KCNIP4: variants seen among roughly 807,000 people sequenced by gnomAD.
KCNIP4 encodes potassium voltage-gated channel interacting protein 4.
Under a neutral mutation model 34.0 loss-of-function variants are expected in KCNIP4, and 12 were observed. The ratio of observed to expected loss-of-function variants is 0.35; its 90% CI spans 0.23 to 0.57. The LOEUF (loss-of-function observed/expected upper bound fraction) is 0.57. Among genes scored for constraint, KCNIP4 ranks in the 20% least tolerant of loss-of-function variants. The probability of loss-of-function intolerance (pLI) is 0.83; values close to 1 mark genes in which losing one functional copy is unlikely to be tolerated. For synonymous variants in KCNIP4, 124 were observed against 102.2 expected (o/e 1.21, Z -1.29); for missense variants, 238 against 311.7 (o/e 0.76, Z 1.78).
intron 1 of KCNIP4, among the ~76,000 whole-genome samples, chr4:21,282,730 G>A (rs1411926810): frequency 6.6e-6 from 1 of 152,100 alleles, no homozygotes; most frequent in Non-Finnish European, 1.5e-5. Flanking sequence ...TGCTTTTGCT[G>A]TTTTTCAAAT....
intron 5 of KCNIP4, among the ~76,000 whole-genome samples, chr4:20,746,208 T>G (rs1752384213): frequency 6.6e-6 from 1 of 152,122 alleles, no homozygotes; most frequent in South Asian, 2.1e-4. Context: ...TAAAAAAGGA[T>G]GAGTTCATGT....
chr4:20,988,266 G>A (rs564918750), intron 1 of KCNIP4, among the ~76,000 whole-genome samples: 2 of 152,192 alleles, frequency 1.3e-5, no homozygotes, highest in African/African-American at 4.8e-5. Flanking sequence ...CGTTTAACTG[G>A]TTGAGAGACT....
chr4:21,803,335 C>G (rs1425303396), intron 1 of KCNIP4, among the ~76,000 whole-genome samples: 1 of 152,050 alleles, frequency 6.6e-6, no homozygotes, highest in Non-Finnish European at 1.5e-5. Flanking sequence ...CTGTTGTCAC[C>G]CAAGCTTTTA....
intron 1 of KCNIP4, among the ~76,000 whole-genome samples, chr4:20,934,863 G>A (rs1730893591): frequency 6.6e-6 from 1 of 152,156 alleles, no homozygotes; most frequent in South Asian, 2.1e-4. Context: ...CAGCCCTGGA[G>A]GCTGGAAGTC....
intron 1 of KCNIP4, among the ~76,000 whole-genome samples, chr4:21,028,248 T>A (rs1255135545): frequency 6.6e-6 from 1 of 152,182 alleles, no homozygotes; most frequent in African/African-American, 2.4e-5. Flanking sequence ...CTAGCACGTC[T>A]ACTTGCTTCT....
chr4:21,691,968 G>T (rs1161750645), intron 1 of KCNIP4, among the ~76,000 whole-genome samples: 1 of 152,010 alleles, frequency 6.6e-6, no homozygotes, highest in Non-Finnish European at 1.5e-5. Flanking sequence ...AAAGTGCCGG[G>T]ATTACAGGCG....
intron 1 of KCNIP4, among the ~76,000 whole-genome samples, chr4:21,506,831 G>C (rs770478060): frequency 8.6e-5 from 13 of 151,514 alleles, no homozygotes; most frequent in Non-Finnish European, 1.8e-4. Context: ...TCTCTCTGTA[G>C]CCCAGGCTGG....
At chr4:21,678,372 T>C (rs1167375321) in intron 1 of KCNIP4, among the ~76,000 whole-genome samples, 1 of 143,316 alleles carries the variant, frequency 7.0e-6, no homozygotes, top group South Asian at 2.2e-4. Flanking sequence ...TAATGGACCA[T>C]GCAAAAAAAC....
Position 21,891,273 on chromosome 4 carries a change from C to A in KCNIP4, c.61+57298G>T, listed in dbSNP as rs564262230. On this transcript the variant is annotated intron_variant, in intron 1 of 8. Coordinates refer to ENST00000382152, the MANE Select transcript of KCNIP4 (RefSeq NM_025221.6). Reference sequence around the variant, plus strand: ...AAGTGACTGCTGTCAGGTACATCTGCCATACAACTTGCCATTCATGAATCT... The same window carrying A: ...AAGTGACTGCTGTCAGGTACATCTGACATACAACTTGCCATTCATGAATCT... Among the ~76,000 whole-genome samples the A allele has an allele frequency of 2.0e-5, 3 of 152,174 alleles. No individual in the cohort carries two copies. The South Asian group carries it at 6.2e-4, about 32-fold the overall frequency.
At chr4:20,730,561 T>C (rs1747820712) in intron 8 of KCNIP4, among the ~76,000 whole-genome samples, 1 of 151,944 alleles carries the variant, frequency 6.6e-6, no homozygotes, top group Non-Finnish European at 1.5e-5. Context: ...TTCATGAAGA[T>C]TGGAGGCTGG....
At chr4:21,431,445 C>A (rs903006256) in intron 1 of KCNIP4, among the ~76,000 whole-genome samples, 4 of 151,976 alleles carry the variant, frequency 2.6e-5, no homozygotes. Flanking sequence ...TGACGTCGAC[C>A]CTTCCGAGGC....
chr4:21,098,465 T>C (rs956302064), intron 1 of KCNIP4, among the ~76,000 whole-genome samples: 7 of 152,190 alleles, frequency 4.6e-5, no homozygotes, highest in African/African-American at 1.4e-4. Flanking sequence ...TTGAAGCCGA[T>C]ACTCATTTAC....
chr4:21,580,857 G>C (rs907239739), intron 1 of KCNIP4, among the ~76,000 whole-genome samples: 1 of 152,024 alleles, frequency 6.6e-6, no homozygotes, highest in Admixed American at 6.6e-5. Context: ...GTATTGCAAC[G>C]AAGAATGGAA....
chr4:21,643,503 A>G (rs1004373729), intron 1 of KCNIP4, among the ~76,000 whole-genome samples: 1 of 152,178 alleles, frequency 6.6e-6, no homozygotes, highest in African/African-American at 2.4e-5. Context: ...GGTTAATTTT[A>G]TATGTTAACA....
intron 1 of KCNIP4, among the ~76,000 whole-genome samples, chr4:21,801,054 C>T (rs1293184793): frequency 6.6e-6 from 1 of 151,568 alleles, no homozygotes; most frequent in Non-Finnish European, 1.5e-5. Context: ...TCAGAAAAAT[C>T]AGGGAGGTTT....
rs150831651 is a variant in KCNIP4, at chr4:21,505,738, G to A, written c.61+442833C>T. Among the ~76,000 whole-genome samples the A allele has an allele frequency of 1.6e-3, 249 of 152,178 alleles. 2 individuals are homozygous for A. Among genetic ancestry groups the A allele is most frequent in the Non-Finnish European group, 2.4e-3 (166 of 68,022 alleles). ...TGTCTCCTAAGGCTAAAAAATCAAT[G>A]ACCAATCTGAAACACAATATTAAAA... On this transcript the variant is annotated intron_variant, in intron 1 of 8. Coordinates refer to ENST00000382152, the MANE Select transcript of KCNIP4 (RefSeq NM_025221.6).
intron 1 of KCNIP4, chr4:21,304,176 A>G (rs1712161534): frequency 5.8e-6 from 1 of 173,668 alleles, no homozygotes; most frequent in Non-Finnish European, 1.1e-5. Flanking sequence ...AGGCTGAGAA[A>G]AAGGGCGTGA....
rs55649635 is a variant in KCNIP4 at position 21,166,938 on chromosome 4, C to CAAAAAAAA, written c.62-284237_62-284230dup. On this transcript the variant is annotated intron_variant, in intron 1 of 8. Coordinates refer to ENST00000382152, the MANE Select transcript of KCNIP4 (RefSeq NM_025221.6). The stretch of plus-strand genomic sequence containing the variant: ...TGGGGGACAGAGCTACACTCCATCT[C>CAAAAAAAA]AAAAAAAAAAAAAAAAAAAAAAAAA... Among the ~76,000 whole-genome samples the CAAAAAAAA allele has an allele frequency of 2.9e-4, 11 of 37,562 alleles. 3 individuals are homozygous for CAAAAAAAA. The highest frequency in any genetic ancestry group is 1.5e-3 in the East Asian group (1 of 672). 24.6% of individuals were successfully genotyped at this position (37,562 alleles called of 152,430 possible).
chr4:20,837,685 TA>T (rs1429862109), intron 3 of KCNIP4, among the ~76,000 whole-genome samples: 5,287 of 73,270 alleles, frequency 0.072, 141 homozygotes, highest in African/African-American at 0.14. Flanking sequence ...TATATATATA[TA>T]TTTTTTTTTC....
Sources: gnomAD v4.1 joint callset for allele counts (sites outside exome capture counted in the v4.1 genomes callset) on GRCh38, gnomAD v4.1.1 for gene constraint, MANE v1.5 for transcripts, NCBI Gene and HGNC (gene_info 2026-07-23, HGNC 2026-07-21) for gene names.